METTL22: variants seen among roughly 807,000 people sequenced by gnomAD.
The protein encoded by METTL22 is methyltransferase 22, Kin17 lysine, also known as methyltransferase-like protein 22.
A neutral mutation model predicts 48.4 loss-of-function variants in METTL22; 51 were observed. That is an observed-to-expected ratio of 1.05 (90% CI 0.84 to 1.33). The LOEUF (loss-of-function observed/expected upper bound fraction) is 1.33. METTL22 is among the 40% of genes most tolerant of loss of function. METTL22 has a pLI of 0.00. For missense variants in METTL22, 678 were observed against 526.9 expected (o/e 1.29, Z -2.81); for synonymous variants, 255 against 214.1 (o/e 1.19, Z -1.67).
chr16:8,636,247 T>G (rs576838142), intron 5 of METTL22, among the ~76,000 whole-genome samples: 1 of 152,230 alleles, frequency 6.6e-6, no homozygotes, highest in East Asian at 1.9e-4. Context: ...AAAAAATTAT[T>G]ATATAGGCCA....
Position 8,646,261 on chromosome 16 carries a change from C to G in METTL22, c.*118C>G, listed in dbSNP as rs901169394. 1.5e-6 allele frequency: 2 copies of G among 1,301,752 alleles called. No homozygotes were observed. The highest frequency in any genetic ancestry group is 4.9e-5 in the East Asian group (2 of 40,940). The allele number at this position is 1,301,752 out of a possible 1,614,324, so 80.6% of individuals were successfully genotyped here. A position where few individuals can be genotyped will look rare whatever the true frequency, so the allele number is the denominator to read the frequency against. ...TTGTCATTTTAAAAATATGGTTACA[C>G]GTACCTTAGATGACCCAAGATGGTT... On this transcript the variant is annotated 3_prime_UTR_variant, in exon 11 of 11. Transcript: ENST00000381920.
At chr16:8,622,980 A>C (rs561202270) in intron 1 of METTL22, among the ~76,000 whole-genome samples, 108 of 152,332 alleles carry the variant, frequency 7.1e-4, no homozygotes, top group African/African-American at 2.6e-3. Context: ...TGGAAAAAGC[A>C]AAGAACATTG....
chr16:8,627,788 C>G (rs1297631522), intron 2 of METTL22, among the ~76,000 whole-genome samples: 2 of 152,160 alleles, frequency 1.3e-5, no homozygotes, highest in Admixed American at 6.5e-5. Context: ...TTCTGTCACC[C>G]AAGCTGGAGT....
At chr16:8,640,994 A>G (rs1156776169) in intron 6 of METTL22, 137 bp from the exon 7 acceptor site, 2 of 613,382 alleles carry the variant, frequency 3.3e-6, no homozygotes, top group Non-Finnish European at 5.6e-6. Context: ...GTAAAGATGG[A>G]AGGGCAGGAA....
Position 8,628,943 on chromosome 16 carries a change from T to C in METTL22, c.347T>C (p.Leu116Pro). ...TTGQEVAEAQ[L>P]DEDGDLDVVR... ...GGCCAGGAAGTGGCTGAAGCTCAGC[T>C]GGATGAGGATGGGGATTTGGACGTG... The change falls in exon 3 of 11, where the codon CTG (leucine) becomes CCG (proline). Residue 116 changes from leucine to proline, a missense_variant. Transcript: ENST00000381920. The C allele has an allele frequency of 6.2e-7, 1 of 1,614,060 alleles. No individual in the cohort carries two copies. The highest frequency in any genetic ancestry group is 8.5e-7 in the Non-Finnish European group (1 of 1,180,020).
downstream of METTL22, among the ~76,000 whole-genome samples, chr16:8,651,545 A>C (rs552908221): frequency 4.6e-5 from 7 of 152,154 alleles, no homozygotes; most frequent in South Asian, 1.2e-3. Flanking sequence ...TGTGATTTGT[A>C]AGGTTGGATT....
In METTL22 at chr16:8,642,226, C is replaced by T. The variant is rs200602224; in HGVS notation, c.907+19C>T. ...GCCGAAGGTAAGAAAATTTCTCCTT[C>T]GCCGTACACGTCCTTTGTTGTAGCA... On this transcript the variant is annotated intron_variant, in intron 8 of 10. Coordinates refer to ENST00000381920, the MANE Select transcript of METTL22 (RefSeq NM_024109.4). 12 of 1,588,680 alleles carry T rather than the reference C, an allele frequency of 7.6e-6. No individual in the cohort carries two copies. Among genetic ancestry groups the T allele is most frequent in the South Asian group, 3.3e-5 (3 of 90,582 alleles).
At chr16:8,652,333 G>C (rs2056911224), downstream of METTL22, among the ~76,000 whole-genome samples, 1 of 151,702 alleles carries the variant, frequency 6.6e-6, no homozygotes. Flanking sequence ...GTGGTGCACA[G>C]CTGTAATCCC....
chr16:8,648,266 C>G lies in METTL22; in HGVS notation c.*2123C>G, dbSNP rs528580125. 6.6e-6 allele frequency: 1 copy of G among 152,634 alleles called. No individual in the cohort carries two copies. The highest frequency in any genetic ancestry group is 2.1e-4 in the South Asian group (1 of 4,838). The allele number at this position is 152,634 out of a possible 1,614,324, so 9.5% of individuals were successfully genotyped here. ...GCTTGAACCTGGGAGGCGAAGGTTG[C>G]AGTGAGCCAAGATCGCAACACTGCC... On this transcript the variant is annotated 3_prime_UTR_variant, in exon 11 of 11. Transcript: ENST00000381920.
the METTL22 span, among the ~76,000 whole-genome samples, chr16:8,660,584 G>A: frequency 6.6e-6 from 1 of 151,876 alleles, no homozygotes; most frequent in East Asian, 1.9e-4. Context: ...GCCCTCATTA[G>A]TAAAGTAAAT....
At chr16:8,624,738 T>C (rs2055985476) in intron 1 of METTL22, among the ~76,000 whole-genome samples, 1 of 152,018 alleles carries the variant, frequency 6.6e-6, no homozygotes, top group African/African-American at 2.4e-5. Context: ...TATGGTGGCA[T>C]AGCTGTAGTC....
At chr16:8,624,319 AGTGTAGT>A (rs2055964442) in intron 1 of METTL22, among the ~76,000 whole-genome samples, 1 of 150,554 alleles carries the variant, frequency 6.6e-6, no homozygotes, top group African/African-American at 2.4e-5. Context: ...GTGTATCACC[AGTGTAGT>A]GACTCCCTTA....
At chr16:8,659,867 G>A in the METTL22 span, among the ~76,000 whole-genome samples, 1 of 151,830 alleles carries the variant, frequency 6.6e-6, no homozygotes, top group South Asian at 2.1e-4. Flanking sequence ...TGGGATTACA[G>A]GCACAAGTCA....
chr16:8,641,128 C>T lies in METTL22; in HGVS notation c.773-3C>T, dbSNP rs375890293. On this transcript the variant is annotated splice_polypyrimidine_tract_variant and splice_region_variant and intron_variant, in intron 6 of 10. Transcript: ENST00000381920. ...AAAGTTCTCTTTTTGTTTGTTTTTA[C>T]AGGTGGTATAGTTAGGGTCAAAGAA... 38 of 1,613,436 alleles carry T rather than the reference C, an allele frequency of 2.4e-5. No homozygotes were observed. The Admixed American group carries it at 3.7e-4, about 16-fold the overall frequency.
chr16:8,650,000 G>A (rs140519918), downstream of METTL22, among the ~76,000 whole-genome samples: 25 of 152,278 alleles, frequency 1.6e-4, no homozygotes, highest in East Asian at 4.6e-3. Flanking sequence ...ACTGTGAGGA[G>A]TGAAGTTGCA....
chr16:8,658,508 C>T, the METTL22 span, among the ~76,000 whole-genome samples: 2 of 152,202 alleles, frequency 1.3e-5, no homozygotes, highest in African/African-American at 2.4e-5. Flanking sequence ...GGCTCAATCT[C>T]AAAGATCTTG....
chr16:8,644,402 A>G (rs2056718173), intron 9 of METTL22, 155 bp from the exon 10 acceptor site: 1 of 670,950 alleles, frequency 1.5e-6, no homozygotes, highest in Non-Finnish European at 2.5e-6. Context: ...GTAGGAAGGA[A>G]TTGCACTCAC....
At chr16:8,623,446 T>TC (rs2055930436) in intron 1 of METTL22, among the ~76,000 whole-genome samples, 1 of 152,104 alleles carries the variant, frequency 6.6e-6, no homozygotes, top group Non-Finnish European at 1.5e-5. Flanking sequence ...TCCTCAGTTT[T>TC]CCCCCAGGAC....
chr16:8,628,392 C>G (rs2056134549), intron 2 of METTL22, among the ~76,000 whole-genome samples: 1 of 152,124 alleles, frequency 6.6e-6, no homozygotes, highest in African/African-American at 2.4e-5. Context: ...GTTGTGTGGC[C>G]TTGGTCAGCT....
Sources: gnomAD v4.1 joint callset for allele counts (sites outside exome capture counted in the v4.1 genomes callset) on GRCh38, gnomAD v4.1.1 for gene constraint, MANE v1.5 for transcripts, NCBI Gene and HGNC (gene_info 2026-07-23, HGNC 2026-07-21) for gene names.